Variants in CALN1 observed in about 807,000 individuals in gnomAD.
CALN1 encodes calneuron 1, also known as calcium-binding protein 8.
CALN1 carries 17 observed loss-of-function variants against 30.6 expected under a neutral mutation model. That is an observed-to-expected ratio of 0.56 (90% CI 0.38 to 0.83). CALN1 has a LOEUF of 0.83. Among genes scored for constraint, CALN1 ranks in the 40% least tolerant of loss-of-function variants. The pLI is 0.00. For missense variants in CALN1, 291 were observed against 354.9 expected (o/e 0.82, Z 1.45); for synonymous variants, 156 against 131.4 (o/e 1.19, Z -1.28).
At chr7:71,882,894 T>TGTGTGTGTGTGTGTG (rs1792669257) in intron 5 of CALN1, among the ~76,000 whole-genome samples, 1 of 99,080 alleles carries the variant, frequency 1.0e-5, no homozygotes, top group African/African-American at 3.9e-5. Flanking sequence ...GTGTGTGTGT[T>TGTGTGTGTGTGTGTG]TGTAAAGACA....
chr7:72,040,505 A>C (rs1305528355), intron 4 of CALN1, among the ~76,000 whole-genome samples: 1 of 152,186 alleles, frequency 6.6e-6, no homozygotes, highest in Non-Finnish European at 1.5e-5. Context: ...TTAATTAAAT[A>C]CAGTTGAATT....
At chr7:72,359,055 GGCCCT>G (rs1803405613) in intron 2 of CALN1, among the ~76,000 whole-genome samples, 1 of 151,896 alleles carries the variant, frequency 6.6e-6, no homozygotes, top group South Asian at 2.1e-4. Context: ...CCCATGAAGA[GGCCCT>G]GCATCTCTTC....
intron 3 of CALN1, among the ~76,000 whole-genome samples, chr7:72,201,161 G>C (rs111775809): frequency 2.0e-5 from 3 of 152,258 alleles, no homozygotes; most frequent in African/African-American, 4.8e-5. Flanking sequence ...TATCCTAAGT[G>C]AATTAACTCA....
rs550929974 is a variant in CALN1, at chr7:71,919,255, T to C, written c.501+104402A>G. On this transcript the variant is annotated intron_variant, in intron 5 of 6. Coordinates refer to ENST00000395275, the MANE Select transcript of CALN1 (RefSeq NM_031468.4). ...TTCAAATTTCCCACTCAAAATCTTTTAAAGGCTTCACAATGCCTACATGAT... is the reference window on the plus strand; with the variant it reads ...TTCAAATTTCCCACTCAAAATCTTTCAAAGGCTTCACAATGCCTACATGAT... 3.3e-5 allele frequency among the ~76,000 whole-genome samples: 5 copies of C among 152,304 alleles called. No homozygotes were observed. In the East Asian group the frequency reaches 9.6e-4, roughly 29 times the overall value.
In CALN1 at chr7:71,780,485, G is replaced by C. The variant is rs570468432; in HGVS notation, c.*7290C>G. ...TGCTCTCTTCCTGCCCTCTCTCCCT[G>C]GTCATGGGTGGGCCACATCAAAAGC... On this transcript the variant is annotated 3_prime_UTR_variant, in exon 7 of 7. Transcript: ENST00000395275. 9 of 152,396 alleles carry C rather than the reference G, an allele frequency of 5.9e-5. No homozygotes were observed. Among genetic ancestry groups the C allele is most frequent in the African/African-American group, 1.9e-4 (8 of 41,528 alleles). The allele number at this position is 152,396 out of a possible 1,614,324, so 9.4% of individuals were successfully genotyped here.
chr7:72,150,847 G>A (rs904730503), intron 3 of CALN1, among the ~76,000 whole-genome samples: 14 of 151,792 alleles, frequency 9.2e-5, no homozygotes, highest in African/African-American at 2.7e-4. Flanking sequence ...TAGAGTAGAT[G>A]CTCAATAACT....
chr7:72,338,527 G>GTGTGTGTGTGTGTGTGTGTGTGTC lies in CALN1; in HGVS notation c.120-59718_120-59717insGACACACACACACACACACACACA, dbSNP rs1190799242. ...TGTGTGTGTGTGTGTGTGTGTGTGTGTCTCACCTGGGTGTGGTTTCAGAGT... is the reference window on the plus strand; with the variant it reads ...TGTGTGTGTGTGTGTGTGTGTGTGTGTGTGTGTGTGTGTGTGTGTGTGTCTCTCACCTGGGTGTGGTTTCAGAGT... On this transcript the variant is annotated intron_variant, in intron 2 of 6. Coordinates refer to ENST00000395275, the MANE Select transcript of CALN1 (RefSeq NM_031468.4). Among the ~76,000 whole-genome samples the GTGTGTGTGTGTGTGTGTGTGTGTC allele has an allele frequency of 2.1e-4, 31 of 144,568 alleles. 3 individuals carry two copies. The highest frequency in any genetic ancestry group is 7.3e-4 in the African/African-American group (27 of 36,994). 94.8% of individuals were successfully genotyped at this position (144,568 alleles called of 152,430 possible).
intron 3 of CALN1, among the ~76,000 whole-genome samples, chr7:72,200,640 C>G (rs188775059): frequency 6.6e-6 from 1 of 151,954 alleles, no homozygotes. Flanking sequence ...GTGCACCATG[C>G]TATGCCCCTG....
At chr7:71,872,514 T>C (rs1791994355) in intron 5 of CALN1, among the ~76,000 whole-genome samples, 1 of 152,214 alleles carries the variant, frequency 6.6e-6, no homozygotes, top group South Asian at 2.1e-4. Flanking sequence ...CTTCAACAAC[T>C]GCACAGATTG....
In CALN1 at chr7:72,278,472, TACACACACACACACACAC is replaced by T. The variant is rs59010102; in HGVS notation, c.244+196_244+213del. ...TAGATTGCTCAGGCTATCAGGTCTG[TACACACACACACACACAC>T]ACACACACACACACACACACACACG... On this transcript the variant is annotated intron_variant, in intron 3 of 6. Transcript: ENST00000395275. Among the ~76,000 whole-genome samples, 7 of 143,982 alleles carry T rather than the reference TACACACACACACACACAC, an allele frequency of 4.9e-5. No individual in the cohort carries two copies. In the East Asian group the frequency reaches 6.4e-4, roughly 13 times the overall value. The allele number at this position is 143,982 out of a possible 152,430, so 94.5% of individuals were successfully genotyped here.
At chr7:72,099,273 C>CTTTTTT (rs386359911) in intron 4 of CALN1, among the ~76,000 whole-genome samples, 1 of 125,346 alleles carries the variant, frequency 8.0e-6, no homozygotes, top group Non-Finnish European at 1.7e-5. Flanking sequence ...CCAAACACTC[C>CTTTTTT]TTTTTTTTTT....
intron 4 of CALN1, among the ~76,000 whole-genome samples, chr7:72,078,952 C>A (rs574408777): frequency 9.2e-5 from 14 of 152,028 alleles, no homozygotes; most frequent in Admixed American, 9.2e-4. Flanking sequence ...AACAAACAAA[C>A]AAAAAACAGC....
intron 5 of CALN1, among the ~76,000 whole-genome samples, chr7:71,947,199 C>T (rs892466705): frequency 6.6e-6 from 1 of 151,884 alleles, no homozygotes; most frequent in African/African-American, 2.4e-5. Flanking sequence ...TTAGTAGAGA[C>T]GGGGTTTCAT....
chr7:72,274,569 TC>T (rs1438085889), intron 3 of CALN1, among the ~76,000 whole-genome samples: 1 of 152,080 alleles, frequency 6.6e-6, no homozygotes. Context: ...AAACTATTCT[TC>T]AACAATCATA....
rs1794114857 is a variant in CALN1 at position 71,905,995 on chromosome 7, T to C, written c.502-95503A>G. On this transcript the variant is annotated intron_variant, in intron 5 of 6. Transcript: ENST00000395275. ...AAAAGAGGAACTTGCCAAACACTTA[T>C]AAAACCATTCAATCTCATGAGAATG... is the stretch of plus-strand genomic sequence containing the variant. Among the ~76,000 whole-genome samples, 3 of 150,588 alleles carry C rather than the reference T, an allele frequency of 2.0e-5. No homozygotes were observed. In the South Asian group the frequency reaches 6.2e-4, roughly 31 times the overall value.
At chr7:72,163,679 A>C (rs1328459384) in intron 3 of CALN1, among the ~76,000 whole-genome samples, 1 of 152,188 alleles carries the variant, frequency 6.6e-6, no homozygotes, top group African/African-American at 2.4e-5. Context: ...AGAAGATTAG[A>C]GATGGCAGAA....
chr7:71,865,660 T>C (rs1246182544), intron 5 of CALN1, among the ~76,000 whole-genome samples: 1 of 152,030 alleles, frequency 6.6e-6, no homozygotes, highest in Admixed American at 6.6e-5. Context: ...TTGGAGGGGG[T>C]TGTTAATTGG....
At chr7:72,183,445 A>G (rs907672133) in intron 3 of CALN1, among the ~76,000 whole-genome samples, 1 of 152,178 alleles carries the variant, frequency 6.6e-6, no homozygotes, top group African/African-American at 2.4e-5. Flanking sequence ...TGCCAGGTAG[A>G]AAAAAAGGAG....
In CALN1 at chr7:72,239,939, G is replaced by A. The variant is rs527355669; in HGVS notation, c.244+38747C>T. 5.9e-5 allele frequency among the ~76,000 whole-genome samples: 9 copies of A among 152,268 alleles called. No homozygotes were observed. The South Asian group carries it at 1.9e-3, about 32-fold the overall frequency. ...GCAGAGACAACACAAGCCAAGGGTG[G>A]AAGGGCTTAAGGATTTCTATTCGAC... On this transcript the variant is annotated intron_variant, in intron 3 of 6. Transcript: ENST00000395275.
Sources: allele counts gnomAD v4.1 joint callset (sites outside exome capture counted in the v4.1 genomes callset), GRCh38; gene constraint gnomAD v4.1.1; transcripts MANE v1.5; gene names NCBI Gene and HGNC (gene_info 2026-07-23, HGNC 2026-07-21).